STRA8: variants seen among roughly 807,000 people sequenced by gnomAD.
STRA8 encodes stimulated by retinoic acid 8, also known as stimulated by retinoic acid gene 8 protein homolog.
Under a neutral mutation model 37.1 loss-of-function variants are expected in STRA8, and 18 were observed. That is an observed-to-expected ratio of 0.48 (90% CI 0.34 to 0.72). The LOEUF (loss-of-function observed/expected upper bound fraction) is 0.72. STRA8 is among the 30% of genes least tolerant of loss of function. The pLI is 0.01. For missense variants in STRA8, 357 were observed against 410.4 expected (o/e 0.87, Z 1.13); for synonymous variants, 168 against 162.9 (o/e 1.03, Z -0.24).
At chr7:135,239,309 C>T (rs532311724) in intron 1 of STRA8, among the ~76,000 whole-genome samples, 10 of 152,278 alleles carry the variant, frequency 6.6e-5, no homozygotes, top group African/African-American at 2.2e-4. Context: ...GGGAGCTGCA[C>T]GCTGGGTTCA....
rs1832686257 is a variant in STRA8 at position 135,255,095 on chromosome 7, T to C, written c.954-19T>C. The stretch of plus-strand genomic sequence containing the variant: ...AGGATCCTGAATATTTGTTGCCTTT[T>C]CTTCCTTTCTGTTGTCAGTTCAGTG... On this transcript the variant is annotated intron_variant, in intron 7 of 8. Transcript: ENST00000662584. The C allele has an allele frequency of 6.2e-7, 1 of 1,602,100 alleles. No individual in the cohort carries two copies. Among genetic ancestry groups the C allele is most frequent in the African/African-American group, 1.3e-5 (1 of 74,658 alleles).
At position 135,246,288 on chromosome 7, in the gene STRA8, A is replaced by G. The variant is rs1832551697; in HGVS notation, c.594-129A>G. On this transcript the variant is annotated intron_variant, in intron 5 of 8. Coordinates refer to ENST00000662584, the MANE Select transcript of STRA8 (RefSeq NM_001394401.1). The surrounding 1 kb of genome is among the most constrained non-coding windows in gnomAD (Gnocchi z 5.4). Reference sequence around the variant, plus strand: ...GGGCCAGGGGCGTGCAGAGTCTGAGAAGTCTCAGCCCTGGTGAGCCGTGGC... The same window carrying G: ...GGGCCAGGGGCGTGCAGAGTCTGAGGAGTCTCAGCCCTGGTGAGCCGTGGC... 9 of 1,226,602 alleles carry G rather than the reference A, an allele frequency of 7.3e-6. No homozygotes were observed. Among genetic ancestry groups the G allele is most frequent in the East Asian group, 2.5e-5 (1 of 39,334 alleles). The allele number at this position is 1,226,602 out of a possible 1,614,324, so 76.0% of individuals were successfully genotyped here.
intron 2 of STRA8, among the ~76,000 whole-genome samples, 167 bp from the exon 3 acceptor site, chr7:135,242,614 C>T (rs988832508): frequency 1.3e-5 from 2 of 152,234 alleles, no homozygotes; most frequent in African/African-American, 4.8e-5. Context: ...CTTCCTGCCT[C>T]CTGTGCATCA....
rs1367026235 is a variant in STRA8 at position 135,245,426 on chromosome 7, GGAGGAA to G, written c.498_503del (p.Glu177_Glu178del). 97 of 762,936 alleles carry G rather than the reference GGAGGAA, an allele frequency of 1.3e-4. No individual in the cohort carries two copies. The highest frequency in any genetic ancestry group is 7.7e-4 in the African/African-American group (45 of 58,364). The allele number at this position is 762,936 out of a possible 1,614,324, so 47.3% of individuals were successfully genotyped here. A position where few individuals can be genotyped will look rare whatever the true frequency, so the allele number is the denominator to read the frequency against. ...AGGAGGAGGAAGAAGAAGAGGAGGAGGAGGAAGAGGAGGAAGAGGAAGAGGAGGAGG... is the reference window on the plus strand; with the variant it reads ...AGGAGGAGGAAGAAGAAGAGGAGGAGGAGGAGGAAGAGGAAGAGGAGGAGG... On this transcript the variant is annotated inframe_deletion, in exon 5 of 9. Coordinates refer to ENST00000662584, the MANE Select transcript of STRA8 (RefSeq NM_001394401.1).
intron 3 of STRA8, 138 bp from the exon 4 acceptor site, chr7:135,243,188 C>A: frequency 1.3e-6 from 1 of 789,784 alleles, no homozygotes; most frequent in Non-Finnish European, 2.0e-6. Context: ...GAAGGAAAAA[C>A]TGGACCCTGG....
chr7:135,238,770 T>C (rs1832417411), intron 1 of STRA8, among the ~76,000 whole-genome samples: 1 of 152,238 alleles, frequency 6.6e-6, no homozygotes, highest in African/African-American at 2.4e-5. Context: ...GTTCAAAATC[T>C]TCACAGTTTC....
chr7:135,255,596 T>C (rs1042906446), intron 8 of STRA8, among the ~76,000 whole-genome samples: 2 of 152,216 alleles, frequency 1.3e-5, no homozygotes, highest in Non-Finnish European at 2.9e-5. Flanking sequence ...CGTTAGATTC[T>C]CATAGGCGTG....
upstream of STRA8, among the ~76,000 whole-genome samples, chr7:135,232,602 C>T (rs1832309776): frequency 6.6e-6 from 1 of 150,992 alleles, no homozygotes; most frequent in African/African-American, 2.4e-5. Context: ...CCAACCTGGG[C>T]GACAGAACGA....
At position 135,240,668 on chromosome 7, in the gene STRA8, C is replaced by T; in HGVS notation, c.144C>T (p.Asn48=). ...GAGCCACCCTGGCAGCGCTCTTCAA[C>T]AACCTCAGGAAGACAGTGTACTCTC... ...RHRATLAALF[N]NLRKTVYSQS... Residue 48 remains asparagine, a synonymous_variant, in exon 2 of 9, where the codon AAC becomes AAT. Transcript: ENST00000662584. The T allele has an allele frequency of 1.2e-6, 2 of 1,614,130 alleles. No individual in the cohort carries two copies. The highest frequency in any genetic ancestry group is 1.7e-6 in the Non-Finnish European group (2 of 1,180,026).
intron 6 of STRA8, among the ~76,000 whole-genome samples, chr7:135,248,609 G>C (rs756013115): frequency 6.6e-6 from 1 of 152,170 alleles, no homozygotes; most frequent in Non-Finnish European, 1.5e-5. Context: ...TACTCAGGAG[G>C]CTGAGGCAGG....
rs563166767 is a variant in STRA8 at position 135,246,868 on chromosome 7, G to A, written c.879+166G>A. 201 of 730,930 alleles carry A rather than the reference G, an allele frequency of 2.7e-4. No homozygotes were observed. The East Asian group carries it at 5.6e-3, about 20-fold the overall frequency. The allele number at this position is 730,930 out of a possible 1,614,324, so 45.3% of individuals were successfully genotyped here. ...TTTCTCTTTTTTTTTTTTTTGAGAC[G>A]GAGTCTCGCTCTGTCGCCCAGGCTG... is the stretch of plus-strand genomic sequence containing the variant. On this transcript the variant is annotated intron_variant, in intron 6 of 8. Transcript: ENST00000662584. This position sits in a 1 kb window ranked among gnomAD's most constrained non-coding sequence, Gnocchi z 5.4.
Position 135,251,702 on chromosome 7 carries a change from G to C in STRA8, c.880-94G>C, listed in dbSNP as rs1032491108. On this transcript the variant is annotated intron_variant, in intron 6 of 8. Coordinates refer to ENST00000662584, the MANE Select transcript of STRA8 (RefSeq NM_001394401.1). ...ATGCCCTCTGGGGTATGTGTAAAGA[G>C]AGAGCCTTTCCACTCATCTCTCCCC... 12 of 1,248,234 alleles carry C rather than the reference G, an allele frequency of 9.6e-6. No homozygotes were observed. In the Admixed American group the frequency reaches 1.9e-4, roughly 20 times the overall value. 77.3% of individuals were successfully genotyped at this position (1,248,234 alleles called of 1,614,324 possible).
At chr7:135,249,611 A>G (rs1332419310) in intron 6 of STRA8, among the ~76,000 whole-genome samples, 2 of 152,218 alleles carry the variant, frequency 1.3e-5, no homozygotes, top group East Asian at 3.8e-4. Flanking sequence ...ATATATGTAT[A>G]TATGCCATCT....
chr7:135,255,523 C>T (rs1008641916), intron 8 of STRA8, among the ~76,000 whole-genome samples: 20 of 152,218 alleles, frequency 1.3e-4, no homozygotes, highest in Non-Finnish European at 2.5e-4. Flanking sequence ...GCTAGGAACA[C>T]AGCTGCACAG....
At chr7:135,235,731 C>T (rs1243235224) in intron 1 of STRA8, among the ~76,000 whole-genome samples, 1 of 152,172 alleles carries the variant, frequency 6.6e-6, no homozygotes, top group African/African-American at 2.4e-5. Context: ...TGTGAGCCAC[C>T]GCGCCCAGCT....
chr7:135,244,836 A>G (rs569331488), intron 4 of STRA8, among the ~76,000 whole-genome samples: 1 of 152,158 alleles, frequency 6.6e-6, no homozygotes, highest in Admixed American at 6.5e-5. Flanking sequence ...ACTGTCTAGA[A>G]CCTCCAGAAC....
intron 6 of STRA8, among the ~76,000 whole-genome samples, chr7:135,247,374 C>A (rs1182357139): frequency 6.6e-6 from 1 of 152,180 alleles, no homozygotes; most frequent in African/African-American, 2.4e-5. Context: ...TGGATTCAGG[C>A]CTCTCTTGGC....
At chr7:135,240,793 C>A in intron 2 of STRA8, 77 bp downstream of exon 2, 1 of 1,536,100 alleles carries the variant, frequency 6.5e-7, no homozygotes. Context: ...GACTGTGTTG[C>A]AAGGCAGGGA....
intron 6 of STRA8, among the ~76,000 whole-genome samples, chr7:135,248,430 G>A (rs1413976052): frequency 6.6e-6 from 1 of 152,032 alleles, no homozygotes; most frequent in African/African-American, 2.4e-5. Flanking sequence ...CTGGCTGGGC[G>A]CAGTGGCTCA....
Sources: gnomAD v4.1 joint callset for allele counts (sites outside exome capture counted in the v4.1 genomes callset) on GRCh38, gnomAD v4.1.1 for gene constraint, Gnocchi (gnomAD v3.1) non-coding constraint, MANE v1.5 for transcripts, NCBI Gene and HGNC (gene_info 2026-07-23, HGNC 2026-07-21) for gene names.